CAMTA1: variants seen among roughly 807,000 people sequenced by gnomAD.
CAMTA1 encodes the protein calmodulin binding transcription activator 1.
CAMTA1 carries 27 observed loss-of-function variants against 170.9 expected under a neutral mutation model. The ratio of observed to expected loss-of-function variants is 0.16; its 90% CI spans 0.12 to 0.22. CAMTA1 has a LOEUF of 0.22. CAMTA1 is among the 10% of genes least tolerant of loss of function. The pLI, the probability that CAMTA1 is intolerant of heterozygous loss-of-function variation, is 1.00. For synonymous variants in CAMTA1, 833 were observed against 891.5 expected (o/e 0.93, Z 1.17); for missense variants, 1,619 against 2,217.2 (o/e 0.73, Z 5.42).
At chr1:6,877,758 A>G (rs1182719043) in intron 3 of CAMTA1, among the ~76,000 whole-genome samples, 1 of 152,128 alleles carries the variant, frequency 6.6e-6, no homozygotes, top group Non-Finnish European at 1.5e-5. Flanking sequence ...TTCTGTGTGG[A>G]TCCTTTTGAG....
intron 5 of CAMTA1, among the ~76,000 whole-genome samples, chr1:7,276,303 A>ATATATTTTTTTT: frequency 2.5e-4 from 6 of 24,230 alleles, no homozygotes; most frequent in Admixed American, 6.5e-4. Context: ...ATATATATAT[A>ATATATTTTTTTT]TTTTTTTTTT....
chr1:6,932,190 C>G (rs1267354936), intron 3 of CAMTA1, among the ~76,000 whole-genome samples: 1 of 152,190 alleles, frequency 6.6e-6, no homozygotes. Context: ...AGGGCCTCCC[C>G]CCTCCTCGCC....
At chr1:7,040,161 T>A (rs1018868916) in intron 3 of CAMTA1, among the ~76,000 whole-genome samples, 3 of 89,792 alleles carry the variant, frequency 3.3e-5, no homozygotes, top group African/African-American at 9.7e-5. Flanking sequence ...CTAACTGTGA[T>A]TTTTTTTTTT....
rs1293023211 is a variant in CAMTA1, at chr1:7,403,941, C to T, written c.439-63889C>T. On this transcript the variant is annotated intron_variant, in intron 5 of 22. Coordinates refer to ENST00000303635, the MANE Select transcript of CAMTA1 (RefSeq NM_015215.4). ...GGCTTCTCAGTGGCAGAGTCCGGGC[C>T]CCTGACCCCTGCGGGATCCTACCTG... Among the ~76,000 whole-genome samples, 6 of 152,122 alleles carry T rather than the reference C, an allele frequency of 3.9e-5. No individual in the cohort carries two copies. In the South Asian group the frequency reaches 1.2e-3, roughly 31 times the overall value.
chr1:7,546,238 G>A (rs1253370643), intron 6 of CAMTA1, among the ~76,000 whole-genome samples: 1 of 152,184 alleles, frequency 6.6e-6, no homozygotes, highest in Non-Finnish European at 1.5e-5. Context: ...TTACAGGCGT[G>A]AGCCACTGCG....
intron 11 of CAMTA1, among the ~76,000 whole-genome samples, chr1:7,698,077 C>CA (rs1558151761): frequency 1.8e-4 from 6 of 32,684 alleles, no homozygotes; most frequent in Middle Eastern, 0.012. Context: ...CACTGTGACC[C>CA]CCCCCCCCCC....
At chr1:6,891,486 T>G (rs1473553830) in intron 3 of CAMTA1, among the ~76,000 whole-genome samples, 1 of 152,232 alleles carries the variant, frequency 6.6e-6, no homozygotes, top group East Asian at 1.9e-4. Context: ...TAGCCTTCTG[T>G]GATCTTCCGG....
rs79144735 is a variant in CAMTA1, at chr1:7,255,035, G to A, written c.438+5409G>A. 1.1e-4 allele frequency among the ~76,000 whole-genome samples: 17 copies of A among 152,260 alleles called. No homozygotes were observed. The East Asian group carries it at 2.9e-3, about 26-fold the overall frequency. ...TTTAGTAAAAAATCATGTGTCTCAC[G>A]AACAGAAAACCCAACACCGCATGTT... On this transcript the variant is annotated intron_variant, in intron 5 of 22. Coordinates refer to ENST00000303635, the MANE Select transcript of CAMTA1 (RefSeq NM_015215.4).
intron 4 of CAMTA1, among the ~76,000 whole-genome samples, chr1:7,236,198 C>T (rs1052560705): frequency 7.2e-5 from 11 of 152,312 alleles, no homozygotes; most frequent in African/African-American, 9.6e-5. Context: ...CTGTGAGATT[C>T]GGGCTGTCGC....
chr1:7,354,482 G>A (rs576043579), intron 5 of CAMTA1, among the ~76,000 whole-genome samples: 1 of 152,312 alleles, frequency 6.6e-6, no homozygotes, highest in Non-Finnish European at 1.5e-5. Context: ...CAGTGTTCAT[G>A]GGCACCTAGG....
chr1:7,162,699 T>G (rs1647468903), intron 4 of CAMTA1, among the ~76,000 whole-genome samples: 1 of 152,208 alleles, frequency 6.6e-6, no homozygotes, highest in Non-Finnish European at 1.5e-5. Context: ...GTATTTCATT[T>G]ATCAGCTCCT....
chr1:7,675,464 T>C (rs868718038), intron 10 of CAMTA1, among the ~76,000 whole-genome samples: 2 of 152,046 alleles, frequency 1.3e-5, no homozygotes, highest in African/African-American at 4.8e-5. Context: ...GATTCTAGGT[T>C]GTAGGGAGGA....
At chr1:7,131,247 C>T (rs771894468) in intron 4 of CAMTA1, among the ~76,000 whole-genome samples, 2 of 152,084 alleles carry the variant, frequency 1.3e-5, no homozygotes, top group African/African-American at 2.4e-5. Flanking sequence ...CCACTGCGCC[C>T]GGCCGCCTTT....
intron 5 of CAMTA1, among the ~76,000 whole-genome samples, chr1:7,281,577 G>T (rs998422129): frequency 1.3e-4 from 20 of 152,160 alleles, no homozygotes; most frequent in African/African-American, 4.3e-4. Flanking sequence ...ATTAGAAAAA[G>T]TATTAAAATA....
At chr1:7,167,470 C>T (rs2148806363) in intron 4 of CAMTA1, among the ~76,000 whole-genome samples, 1 of 152,296 alleles carries the variant, frequency 6.6e-6, no homozygotes, top group East Asian at 1.9e-4. Context: ...TGTCTCAGCA[C>T]ACCATCAGTT....
At chr1:7,740,988 C>A in intron 16 of CAMTA1, among the ~76,000 whole-genome samples, 1 of 152,214 alleles carries the variant, frequency 6.6e-6, no homozygotes, top group South Asian at 2.1e-4. Flanking sequence ...GTGGCAAAAC[C>A]GTTCATAGAG....
intron 4 of CAMTA1, among the ~76,000 whole-genome samples, chr1:7,191,075 A>G (rs1654428652): frequency 6.6e-6 from 1 of 152,222 alleles, no homozygotes; most frequent in South Asian, 2.1e-4. Flanking sequence ...TTCAAGGACC[A>G]TTAGGGTCTC....
At chr1:7,244,795 C>T (rs1055049552) in intron 4 of CAMTA1, among the ~76,000 whole-genome samples, 19 of 151,942 alleles carry the variant, frequency 1.3e-4, no homozygotes, top group African/African-American at 3.1e-4. Flanking sequence ...TAATGCTAAA[C>T]GACGAGTTAA....
At chr1:7,105,840 C>T (rs1643522749) in intron 4 of CAMTA1, among the ~76,000 whole-genome samples, 1 of 151,866 alleles carries the variant, frequency 6.6e-6, no homozygotes, top group Admixed American at 6.6e-5. Flanking sequence ...ACTCGAGAGG[C>T]TGAAGTGGGA....
Sources: gnomAD v4.1 joint callset for allele counts (sites outside exome capture counted in the v4.1 genomes callset) on GRCh38, gnomAD v4.1.1 for gene constraint, MANE v1.5 for transcripts, NCBI Gene and HGNC (gene_info 2026-07-23, HGNC 2026-07-21) for gene names.